Variants in PPP2R2B observed in about 807,000 individuals in gnomAD.
The protein encoded by PPP2R2B is protein phosphatase 2 regulatory subunit Bbeta.
Under a neutral mutation model 46.0 loss-of-function variants are expected in PPP2R2B, and 5 were observed. That is an observed-to-expected ratio of 0.11 (90% CI 0.06 to 0.23). The LOEUF (loss-of-function observed/expected upper bound fraction) is 0.23. Among genes scored for constraint, PPP2R2B ranks in the 10% least tolerant of loss-of-function variants. The probability of loss-of-function intolerance (pLI) is 1.00; values close to 1 mark genes in which losing one functional copy is unlikely to be tolerated. For missense variants in PPP2R2B, 367 were observed against 575.0 expected, an observed-to-expected ratio of 0.64 and a Z score of 3.70; for synonymous variants, 215 against 206.7, an observed-to-expected ratio of 1.04 and a Z score of -0.34.
intron 2 of PPP2R2B, among the ~76,000 whole-genome samples, chr5:146,846,071 A>G (rs939498597): frequency 6.6e-6 from 1 of 152,240 alleles, no homozygotes; most frequent in Non-Finnish European, 1.5e-5. Flanking sequence ...GATACATTGG[A>G]TTAAAATATT....
intron 2 of PPP2R2B, among the ~76,000 whole-genome samples, chr5:146,777,126 T>A (rs1158844360): frequency 6.6e-6 from 1 of 152,068 alleles, no homozygotes; most frequent in Non-Finnish European, 1.5e-5. Flanking sequence ...CTCCTAGGCA[T>A]GCACCCCAAA....
intron 9 of PPP2R2B, among the ~76,000 whole-genome samples, chr5:146,590,854 A>G (rs1770572165): frequency 6.6e-6 from 1 of 152,200 alleles, no homozygotes; most frequent in African/African-American, 2.4e-5. Flanking sequence ...TCTAGGAAAC[A>G]AGTAAGGAAA....
intron 2 of PPP2R2B, among the ~76,000 whole-genome samples, chr5:146,737,560 C>T (rs562968616): frequency 2.0e-5 from 3 of 152,274 alleles, no homozygotes; most frequent in South Asian, 4.1e-4. Flanking sequence ...ATCAGGTATG[C>T]CTGATTTTAA....
intron 1 of PPP2R2B, among the ~76,000 whole-genome samples, chr5:146,935,967 C>T (rs1037872640): frequency 6.6e-6 from 1 of 152,020 alleles, no homozygotes; most frequent in African/African-American, 2.4e-5. Context: ...TACCTACTTC[C>T]TAGGATTGCT....
At chr5:146,849,884 C>T (rs1056955863) in intron 2 of PPP2R2B, among the ~76,000 whole-genome samples, 1 of 152,170 alleles carries the variant, frequency 6.6e-6, no homozygotes, top group Non-Finnish European at 1.5e-5. Context: ...GACAAACAGG[C>T]ACAAAGCCAT....
intron 1 of PPP2R2B, among the ~76,000 whole-genome samples, chr5:146,982,078 T>A (rs978405626): frequency 6.6e-6 from 1 of 152,176 alleles, no homozygotes; most frequent in Non-Finnish European, 1.5e-5. Flanking sequence ...TCTAACCAGT[T>A]CTTACTTTCA....
intron 2 of PPP2R2B, among the ~76,000 whole-genome samples, chr5:146,750,653 C>T (rs1753499886): frequency 6.6e-6 from 1 of 152,156 alleles, no homozygotes; most frequent in African/African-American, 2.4e-5. Context: ...GGGATTGTGG[C>T]TTGCTGGAGG....
At chr5:146,872,842 C>A (rs1761693623) in intron 2 of PPP2R2B, among the ~76,000 whole-genome samples, 1 of 152,172 alleles carries the variant, frequency 6.6e-6, no homozygotes, top group South Asian at 2.1e-4. Context: ...GCTACAATTT[C>A]TTCATACCAA....
chr5:146,810,880 C>G (rs1179264683), intron 2 of PPP2R2B, among the ~76,000 whole-genome samples: 3 of 128,632 alleles, frequency 2.3e-5, no homozygotes, highest in African/African-American at 5.7e-5. Context: ...CCCCTCCCCC[C>G]ACCCCACAAC....
At chr5:146,950,431 T>A (rs537807872) in intron 1 of PPP2R2B, among the ~76,000 whole-genome samples, 1 of 152,118 alleles carries the variant, frequency 6.6e-6, no homozygotes, top group South Asian at 2.1e-4. Flanking sequence ...CAAAATTATG[T>A]CACATTTTTT....
chr5:146,813,520 G>C (rs1182186361), intron 2 of PPP2R2B, among the ~76,000 whole-genome samples: 2 of 152,284 alleles, frequency 1.3e-5, no homozygotes, highest in East Asian at 3.9e-4. Flanking sequence ...CGGTTCCATG[G>C]AGACAAATCC....
At chr5:146,900,554 T>TCTTC (rs145747835) in intron 1 of PPP2R2B, among the ~76,000 whole-genome samples, 1,210 of 110,098 alleles carry the variant, frequency 0.011, 19 homozygotes, top group South Asian at 0.018. Context: ...TTCCTTCCTT[T>TCTTC]CTTCCTTCCT....
chr5:146,832,585 A>G (rs1440217155), intron 2 of PPP2R2B, among the ~76,000 whole-genome samples: 2 of 151,328 alleles, frequency 1.3e-5, no homozygotes, highest in Non-Finnish European at 2.9e-5. Context: ...GTAGAGACAG[A>G]GTTTCATATT....
At chr5:146,845,436 G>T (rs62373277) in intron 2 of PPP2R2B, among the ~76,000 whole-genome samples, 3,757 of 151,094 alleles carry the variant, frequency 0.025, 70 homozygotes, top group Non-Finnish European at 0.04. Context: ...TGCACTTTTA[G>T]TAGAGACGGG....
At chr5:147,001,361 G>A (rs1225316794) in intron 1 of PPP2R2B, among the ~76,000 whole-genome samples, 1 of 152,154 alleles carries the variant, frequency 6.6e-6, no homozygotes, top group African/African-American at 2.4e-5. Flanking sequence ...CCTGAAGTCA[G>A]CGAGATGATG....
chr5:146,723,773 G>A (rs902717906), intron 2 of PPP2R2B, among the ~76,000 whole-genome samples: 2 of 151,980 alleles, frequency 1.3e-5, no homozygotes, highest in Admixed American at 6.6e-5. Flanking sequence ...TCCCATCTCT[G>A]TGCTTAAAAT....
At chr5:146,635,432 G>A (rs1354803544) in intron 7 of PPP2R2B, among the ~76,000 whole-genome samples, 1 of 152,042 alleles carries the variant, frequency 6.6e-6, no homozygotes, top group Admixed American at 6.6e-5. Flanking sequence ...AGCTTCTAAG[G>A]CCTTGCCCTT....
intron 2 of PPP2R2B, among the ~76,000 whole-genome samples, chr5:147,075,833 A>G (rs1757749094): frequency 6.6e-6 from 1 of 152,178 alleles, no homozygotes; most frequent in South Asian, 2.1e-4. Context: ...GTCTCTCATC[A>G]GACTTCCTAT....
At chr5:146,956,364 A>G (rs1299774882) in intron 1 of PPP2R2B, among the ~76,000 whole-genome samples, 1 of 152,126 alleles carries the variant, frequency 6.6e-6, no homozygotes, top group Non-Finnish European at 1.5e-5. Context: ...TCTGATCCCC[A>G]ACTATGTGGA....
Sources: allele counts gnomAD v4.1 joint callset (sites outside exome capture counted in the v4.1 genomes callset), GRCh38; gene constraint gnomAD v4.1.1; transcripts MANE v1.5; gene names NCBI Gene and HGNC (gene_info 2026-07-23, HGNC 2026-07-21).